JAZF1: variants seen among roughly 807,000 people sequenced by gnomAD.
JAZF1 encodes juxtaposed with another zinc finger protein 1.
JAZF1 carries 8 observed loss-of-function variants against 26.4 expected under a neutral mutation model. The ratio of observed to expected loss-of-function variants is 0.30; its 90% CI spans 0.18 to 0.55. The LOEUF is 0.55. Among genes scored for constraint, JAZF1 ranks in the 20% least tolerant of loss-of-function variants. JAZF1 has a pLI of 0.94. For missense variants in JAZF1, 199 were observed against 322.0 expected, an observed-to-expected ratio of 0.62 and a Z score of 2.92; for synonymous variants, 126 against 122.3, an observed-to-expected ratio of 1.03 and a Z score of -0.20.
intron 1 of JAZF1, among the ~76,000 whole-genome samples, chr7:28,138,774 A>C (rs555388543): frequency 1.3e-5 from 2 of 152,328 alleles, no homozygotes; most frequent in Non-Finnish European, 2.9e-5. Flanking sequence ...CTGGAGCACT[A>C]AATTAGGAGT....
intron 2 of JAZF1, among the ~76,000 whole-genome samples, chr7:27,935,724 T>C (rs1400082503): frequency 6.6e-6 from 1 of 152,236 alleles, no homozygotes; most frequent in Non-Finnish European, 1.5e-5. Context: ...TTACATTCAG[T>C]TGAATAGTTC....
chr7:28,051,827 A>G (rs895605980), intron 1 of JAZF1, among the ~76,000 whole-genome samples: 1 of 152,228 alleles, frequency 6.6e-6, no homozygotes, highest in Admixed American at 6.5e-5. Flanking sequence ...CAGAGAACAG[A>G]AATCACAAGG....
intron 1 of JAZF1, among the ~76,000 whole-genome samples, chr7:28,163,153 CT>C (rs1783318072): frequency 6.6e-6 from 1 of 152,192 alleles, no homozygotes; most frequent in Non-Finnish European, 1.5e-5. Flanking sequence ...ACATGTGCCC[CT>C]CACACATCAG....
chr7:27,960,284 T>C (rs1402724483), intron 2 of JAZF1, among the ~76,000 whole-genome samples: 2 of 152,266 alleles, frequency 1.3e-5, no homozygotes, highest in Non-Finnish European at 2.9e-5. Flanking sequence ...AATCCAGTAG[T>C]GAGAATTTAC....
chr7:28,072,711 C>A (rs557522137), intron 1 of JAZF1, among the ~76,000 whole-genome samples: 1 of 152,304 alleles, frequency 6.6e-6, no homozygotes, highest in South Asian at 2.1e-4. Flanking sequence ...AAGATATAAA[C>A]ACTTAACAGT....
At chr7:28,127,438 G>C (rs1021565597) in intron 1 of JAZF1, among the ~76,000 whole-genome samples, 7 of 152,262 alleles carry the variant, frequency 4.6e-5, no homozygotes, top group Non-Finnish European at 8.8e-5. Context: ...AGGTATGCAA[G>C]GGGAGTTGTG....
chr7:27,954,143 T>C (rs917036847), intron 2 of JAZF1, among the ~76,000 whole-genome samples: 4 of 152,224 alleles, frequency 2.6e-5, no homozygotes, highest in African/African-American at 9.6e-5. Context: ...CTGATAGACA[T>C]CATTTGTCCT....
At chr7:28,092,299 A>C (rs916428914) in intron 1 of JAZF1, among the ~76,000 whole-genome samples, 2 of 109,340 alleles carry the variant, frequency 1.8e-5, no homozygotes, top group African/African-American at 6.2e-5. Flanking sequence ...GCAAAAAAAA[A>C]AAAAAAAAAA....
chr7:28,020,793 C>G (rs1276795917), intron 1 of JAZF1: 2 of 430,576 alleles, frequency 4.6e-6, no homozygotes, highest in African/African-American at 4.1e-5. Context: ...GCACCCAAGG[C>G]TTCTTTAGGA....
chr7:28,061,778 A>C (rs1783800738), intron 1 of JAZF1, among the ~76,000 whole-genome samples: 1 of 152,264 alleles, frequency 6.6e-6, no homozygotes, highest in South Asian at 2.1e-4. Flanking sequence ...TACACCATGC[A>C]TACAATCTGA....
At chr7:28,044,598 C>T (rs904191315) in intron 1 of JAZF1, among the ~76,000 whole-genome samples, 63 of 152,176 alleles carry the variant, frequency 4.1e-4, no homozygotes, top group African/African-American at 1.4e-3. Flanking sequence ...ACAAAGAAAG[C>T]TAATAACCTA....
At chr7:28,079,702 A>T (rs1784105776) in intron 1 of JAZF1, among the ~76,000 whole-genome samples, 1 of 152,232 alleles carries the variant, frequency 6.6e-6, no homozygotes, top group Admixed American at 6.5e-5. Context: ...TTTTAATTAG[A>T]AACATTTAAT....
intron 2 of JAZF1, among the ~76,000 whole-genome samples, chr7:27,922,410 G>A (rs1480730925): frequency 6.6e-6 from 1 of 151,972 alleles, no homozygotes; most frequent in Non-Finnish European, 1.5e-5. Context: ...CACCATGTCT[G>A]GCTAATTTTT....
At chr7:28,023,117 G>A (rs17156218) in intron 1 of JAZF1, among the ~76,000 whole-genome samples, 11,189 of 152,176 alleles carry the variant, frequency 0.074, 934 homozygotes, top group East Asian at 0.32. Context: ...TACAAACAAC[G>A]TCTGTGAGGT....
At chr7:27,888,112 T>C (rs941895343) in intron 3 of JAZF1, among the ~76,000 whole-genome samples, 5 of 152,198 alleles carry the variant, frequency 3.3e-5, no homozygotes, top group African/African-American at 1.2e-4. Flanking sequence ...CGGGTATTTA[T>C]GTGAAAAGGG....
At chr7:28,053,075 C>T (rs1783641864) in intron 1 of JAZF1, among the ~76,000 whole-genome samples, 2 of 152,162 alleles carry the variant, frequency 1.3e-5, no homozygotes, top group African/African-American at 4.8e-5. Context: ...ACTCATAGTA[C>T]ATGTCCTTTT....
At chr7:27,946,970 C>T (rs117815799) in intron 2 of JAZF1, among the ~76,000 whole-genome samples, 5 of 152,298 alleles carry the variant, frequency 3.3e-5, no homozygotes, top group Non-Finnish European at 7.4e-5. Flanking sequence ...GCAAAATGTT[C>T]TGAGTAGCTA....
At chr7:27,929,736 C>T (rs7812080) in intron 2 of JAZF1, among the ~76,000 whole-genome samples, 3,182 of 152,048 alleles carry the variant, frequency 0.021, 104 homozygotes, top group African/African-American at 0.072. Context: ...TGTTGCAAAG[C>T]GCAGAGTGAA....
chr7:27,850,619 C>T (rs147375087), intron 3 of JAZF1, among the ~76,000 whole-genome samples: 8 of 152,312 alleles, frequency 5.3e-5, no homozygotes, highest in Non-Finnish European at 7.3e-5. Flanking sequence ...CGAGTTCAGA[C>T]GGGAAGGAGG....
Sources: gnomAD v4.1 joint callset for allele counts (sites outside exome capture counted in the v4.1 genomes callset) on GRCh38, gnomAD v4.1.1 for gene constraint, MANE v1.5 for transcripts, NCBI Gene and HGNC (gene_info 2026-07-23, HGNC 2026-07-21) for gene names.